LRRC4C: variants seen among roughly 807,000 people sequenced by gnomAD.
The protein encoded by LRRC4C is leucine-rich repeat-containing protein 4C.
A neutral mutation model predicts 33.6 loss-of-function variants in LRRC4C; 5 were observed. The ratio of observed to expected loss-of-function variants is 0.15; its 90% CI spans 0.08 to 0.31. The LOEUF (loss-of-function observed/expected upper bound fraction) is 0.31. LRRC4C is among the 10% of genes least tolerant of loss of function. The pLI is 1.00. For missense variants in LRRC4C, 560 were observed against 796.7 expected, an observed-to-expected ratio of 0.70 and a Z score of 3.58; for synonymous variants, 329 against 302.0, an observed-to-expected ratio of 1.09 and a Z score of -0.93.
chr11:40,354,237 G>A lies in LRRC4C; in HGVS notation c.-269-34516C>T, dbSNP rs1254149692. Reference sequence around the variant, plus strand: ...AATAGAATCTGTCTCTCCATGCTGAGCTGCCTGGAGCTGCGGGAGGGCTGA... The same window carrying A: ...AATAGAATCTGTCTCTCCATGCTGAACTGCCTGGAGCTGCGGGAGGGCTGA... On this transcript the variant is annotated intron_variant, in intron 3 of 6. Transcript: ENST00000528697. 3.9e-5 allele frequency among the ~76,000 whole-genome samples: 6 copies of A among 152,252 alleles called. No individual in the cohort carries two copies. The South Asian group carries it at 1.0e-3, about 26-fold the overall frequency.
At chr11:41,288,489 G>A (rs1440290621) in intron 1 of LRRC4C, among the ~76,000 whole-genome samples, 1 of 152,142 alleles carries the variant, frequency 6.6e-6, no homozygotes, top group African/African-American at 2.4e-5. Context: ...AATAGAGAGT[G>A]GGTGGAGGGA....
intron 1 of LRRC4C, among the ~76,000 whole-genome samples, chr11:41,309,302 AC>A (rs1950586378): frequency 1.3e-5 from 2 of 152,208 alleles, no homozygotes; most frequent in South Asian, 4.1e-4. Flanking sequence ...CCACTGAGGC[AC>A]AGGGCTCATT....
chr11:41,066,287 C>T (rs550154698), intron 1 of LRRC4C, among the ~76,000 whole-genome samples: 3 of 152,032 alleles, frequency 2.0e-5, no homozygotes, highest in Non-Finnish European at 4.4e-5. Context: ...TATCAATAGC[C>T]GAATTAATCA....
intron 3 of LRRC4C, among the ~76,000 whole-genome samples, chr11:40,339,315 A>G (rs1946764053): frequency 6.6e-6 from 1 of 152,234 alleles, no homozygotes; most frequent in African/African-American, 2.4e-5. Flanking sequence ...TAATAAAAAT[A>G]GCATGGGTTA....
Position 40,115,664 on chromosome 11 carries a change from C to T in LRRC4C, c.629G>A (p.Arg210Gln), listed in dbSNP as rs367953879. Residue 210 changes from arginine to glutamine, a missense_variant, in exon 7 of 7, where the codon CGG (arginine) becomes CAG (glutamine). By Grantham distance (43) the Arg-to-Gln change is conservative (BLOSUM62 1). Around this residue, in one of 3 missense-constraint regions of LRRC4C, gnomAD observed 455 missense variants for 643.8 expected, o/e 0.71. Coordinates refer to ENST00000528697, the MANE Select transcript of LRRC4C (RefSeq NM_001258419.2). The surrounding 1 kb of genome is among the most constrained non-coding windows in gnomAD (Gnocchi z 6.7). ...GAGCGGTGTGAGGTTAGGGATTTCC[C>T]GAAGGTTGCACATGGCAAGGTTCAA... Reference protein sequence around the residue: ...RYLNLAMCNLREIPNLTPLIK... With the variant: ...RYLNLAMCNLQEIPNLTPLIK... 2.5e-6 allele frequency: 4 copies of T among 1,614,104 alleles called. No homozygotes were observed. The highest frequency in any genetic ancestry group is 2.2e-5 in the East Asian group (1 of 44,864).
chr11:40,905,052 T>C (rs1956360116), intron 2 of LRRC4C, among the ~76,000 whole-genome samples: 2 of 151,708 alleles, frequency 1.3e-5, no homozygotes, highest in African/African-American at 4.8e-5. Flanking sequence ...ATCTTGGGAG[T>C]GAGAGAAAAG....
At chr11:40,128,938 T>C (rs1856455405) in intron 6 of LRRC4C, among the ~76,000 whole-genome samples, 3 of 152,226 alleles carry the variant, frequency 2.0e-5, no homozygotes, top group African/African-American at 7.2e-5. Context: ...ATAGCACATA[T>C]CACTATTTGT....
At chr11:40,368,690 T>A (rs1948320823) in intron 3 of LRRC4C, among the ~76,000 whole-genome samples, 1 of 152,166 alleles carries the variant, frequency 6.6e-6, no homozygotes, top group Non-Finnish European at 1.5e-5. Flanking sequence ...CCTAAGTGGA[T>A]TTCTGTTTTG....
chr11:40,664,405 C>T (rs972054972), intron 2 of LRRC4C, among the ~76,000 whole-genome samples: 1 of 151,768 alleles, frequency 6.6e-6, no homozygotes, highest in Admixed American at 6.6e-5. Flanking sequence ...ATTAGATTGG[C>T]GTGGTGGTGG....
intron 5 of LRRC4C, among the ~76,000 whole-genome samples, chr11:40,151,679 G>T (rs1858223795): frequency 6.6e-6 from 1 of 152,102 alleles, no homozygotes; most frequent in Admixed American, 6.6e-5. Flanking sequence ...CTTGATGAAG[G>T]CCAAATTTTC....
intron 1 of LRRC4C, among the ~76,000 whole-genome samples, chr11:41,286,109 G>T (rs529504732): frequency 1.3e-5 from 2 of 152,120 alleles, no homozygotes; most frequent in Non-Finnish European, 2.9e-5. Flanking sequence ...GATTACAGGC[G>T]TGAGCCACCA....
At chr11:41,078,582 C>A (rs1321575549) in intron 1 of LRRC4C, among the ~76,000 whole-genome samples, 10 of 152,050 alleles carry the variant, frequency 6.6e-5, no homozygotes, top group Non-Finnish European at 1.5e-4. Context: ...GGGGTAGGTG[C>A]CACATCTTTT....
At chr11:41,361,764 G>T (rs1258784847) in intron 1 of LRRC4C, among the ~76,000 whole-genome samples, 1 of 152,030 alleles carries the variant, frequency 6.6e-6, no homozygotes, top group Non-Finnish European at 1.5e-5. Context: ...AGGAAAAATG[G>T]TATTGCTGTA....
intron 1 of LRRC4C, among the ~76,000 whole-genome samples, chr11:41,252,237 G>A (rs566613465): frequency 1.1e-4 from 16 of 152,204 alleles, no homozygotes; most frequent in Admixed American, 1.0e-3. Flanking sequence ...GTCGAGGAGA[G>A]GTTGGTCAAT....
intron 1 of LRRC4C, among the ~76,000 whole-genome samples, chr11:40,979,129 C>T (rs1852313924): frequency 6.6e-6 from 1 of 152,146 alleles, no homozygotes; most frequent in Non-Finnish European, 1.5e-5. Context: ...CTTAGAAAAG[C>T]TTTTCCTGAA....
At chr11:40,691,740 A>G (rs1425059964) in intron 2 of LRRC4C, among the ~76,000 whole-genome samples, 1 of 152,078 alleles carries the variant, frequency 6.6e-6, no homozygotes, top group African/African-American at 2.4e-5. Flanking sequence ...ATATATGTTA[A>G]TATCAAGTAT....
chr11:41,264,982 C>CCAT (rs1442773127), intron 1 of LRRC4C, among the ~76,000 whole-genome samples: 4 of 152,082 alleles, frequency 2.6e-5, no homozygotes, highest in Non-Finnish European at 4.4e-5. Context: ...TTCCCACATG[C>CCAT]CATCAGGTAG....
intron 1 of LRRC4C, among the ~76,000 whole-genome samples, chr11:41,311,202 T>C (rs1244984798): frequency 6.6e-6 from 1 of 152,138 alleles, no homozygotes; most frequent in Non-Finnish European, 1.5e-5. Context: ...TTTTTTTTTA[T>C]ATATTCATTT....
chr11:41,375,556 A>G (rs1952907262), intron 1 of LRRC4C, among the ~76,000 whole-genome samples: 1 of 152,176 alleles, frequency 6.6e-6, no homozygotes, highest in African/African-American at 2.4e-5. Flanking sequence ...TTCAGTCATT[A>G]TTTATTCATT....
Sources: gnomAD v4.1 joint callset for allele counts (sites outside exome capture counted in the v4.1 genomes callset) on GRCh38, gnomAD v4.1.1 for gene constraint, gnomAD v4.1.1 regional missense constraint, Gnocchi (gnomAD v3.1) non-coding constraint, MANE v1.5 for transcripts, NCBI Gene and HGNC (gene_info 2026-07-23, HGNC 2026-07-21) for gene names.